TMEM181: variants seen among roughly 807,000 people sequenced by gnomAD.
The protein encoded by TMEM181 is G protein-coupled receptor 178.
A neutral mutation model predicts 71.9 loss-of-function variants in TMEM181; 39 were observed. The ratio of observed to expected loss-of-function variants is 0.54; its 90% CI spans 0.42 to 0.71. The LOEUF is 0.71. Among genes scored for constraint, TMEM181 ranks in the 30% least tolerant of loss-of-function variants. The probability of loss-of-function intolerance (pLI) is 0.00; values close to 1 mark genes in which losing one functional copy is unlikely to be tolerated. For synonymous variants in TMEM181, 245 were observed against 228.8 expected (o/e 1.07, Z -0.64); for missense variants, 595 against 583.0 (o/e 1.02, Z -0.21).
intron 1 of TMEM181, among the ~76,000 whole-genome samples, chr6:158,553,004 T>C (rs1188252336): frequency 1.3e-5 from 2 of 151,854 alleles, no homozygotes; most frequent in Non-Finnish European, 2.9e-5. Flanking sequence ...CTGGGCAACA[T>C]GGTGAGACCC....
intron 1 of TMEM181, among the ~76,000 whole-genome samples, chr6:158,546,794 T>C (rs986617183): frequency 2.0e-5 from 3 of 150,268 alleles, no homozygotes; most frequent in African/African-American, 7.4e-5. Flanking sequence ...ACCCCATCTC[T>C]ACTAAAAATA....
At chr6:158,611,273 C>G (rs1226104965) in intron 10 of TMEM181, 6 of 497,766 alleles carry the variant, frequency 1.2e-5, no homozygotes, top group Non-Finnish European at 2.5e-5. Context: ...TCAGTCTTGG[C>G]TGGTCCTTCA....
At chr6:158,552,682 C>T (rs1349386252) in intron 1 of TMEM181, among the ~76,000 whole-genome samples, 1 of 152,158 alleles carries the variant, frequency 6.6e-6, no homozygotes, top group Admixed American at 6.5e-5. Context: ...TCGTCTCAGC[C>T]TTATCAGGGA....
chr6:158,607,967 C>T (rs192099102), intron 8 of TMEM181, among the ~76,000 whole-genome samples: 5 of 152,360 alleles, frequency 3.3e-5, no homozygotes, highest in East Asian at 1.9e-4. Flanking sequence ...CTGCCGCAGT[C>T]GGAACTCCCA....
Position 158,585,419 on chromosome 6 carries a change from T to G in TMEM181, c.375T>G (p.Cys125Trp). ...ACAACCGGACAAGGACCCTCACATG[T>G]GCAGGGGTGAGTGTGTGGGGTGAGC... ...KVHNRTRTLTCAGKCAEIIVA... is the reference protein window; with the variant it reads ...KVHNRTRTLTWAGKCAEIIVA... The change falls in exon 5 of 17, where the codon TGT becomes TGG. Residue 125 changes from cysteine to tryptophan, a missense_variant. By Grantham distance (215) the Cys-to-Trp change is radical. Transcript: ENST00000684151. The G allele has an allele frequency of 2.5e-6, 4 of 1,601,014 alleles. No homozygotes were observed. Among genetic ancestry groups the G allele is most frequent in the Non-Finnish European group, 3.4e-6 (4 of 1,175,164 alleles).
chr6:158,595,043 TATA>T (rs1371625012), intron 6 of TMEM181, among the ~76,000 whole-genome samples: 1 of 152,216 alleles, frequency 6.6e-6, no homozygotes, highest in Admixed American at 6.5e-5. Flanking sequence ...GGCTATTTGT[TATA>T]ATGCCTTTTC....
intron 10 of TMEM181, among the ~76,000 whole-genome samples, chr6:158,613,675 T>C (rs2128321755): frequency 6.6e-6 from 1 of 152,340 alleles, no homozygotes; most frequent in East Asian, 1.9e-4. Context: ...ACCATTCCAG[T>C]GAAAGCCTTG....
chr6:158,559,897 T>G (rs1782049265), upstream of TMEM181, among the ~76,000 whole-genome samples: 1 of 152,226 alleles, frequency 6.6e-6, no homozygotes, highest in Non-Finnish European at 1.5e-5. Context: ...ATTCATTCAC[T>G]CATTCCTTCT....
intron 6 of TMEM181, among the ~76,000 whole-genome samples, chr6:158,596,207 C>G (rs1407081720): frequency 1.3e-5 from 2 of 152,218 alleles, no homozygotes; most frequent in African/African-American, 4.8e-5. Context: ...GTGTGAGCCA[C>G]TGCGCCTGGC....
At chr6:158,573,629 C>G (rs191034941) in intron 2 of TMEM181, 106 bp downstream of exon 2, 2 of 941,050 alleles carry the variant, frequency 2.1e-6, no homozygotes, top group East Asian at 5.3e-5. Flanking sequence ...GCTAAGGGCC[C>G]CAGCGTGGAG....
chr6:158,605,130 AAGT>A (rs1237554832), intron 6 of TMEM181, 134 bp from the exon 7 acceptor site: 8,381 of 208,852 alleles, frequency 0.04, 54 homozygotes, highest in East Asian at 0.24. Context: ...AAAAAAAAAA[AAGT>A]GTGTGTGTGT....
At chr6:158,577,022 A>T (rs1375500981) in intron 2 of TMEM181, among the ~76,000 whole-genome samples, 2 of 143,118 alleles carry the variant, frequency 1.4e-5, no homozygotes, top group African/African-American at 5.3e-5. Flanking sequence ...AGATTGCGCC[A>T]CTGCACTCCA....
intron 1 of TMEM181, chr6:158,536,892 G>T (rs1781129553): frequency 7.6e-7 from 1 of 1,322,142 alleles, no homozygotes; most frequent in Non-Finnish European, 9.7e-7. Context: ...CAGCGGCGGG[G>T]CGGCCGGAGG....
intron 6 of TMEM181, among the ~76,000 whole-genome samples, chr6:158,594,880 G>T (rs898845958): frequency 1.3e-5 from 2 of 152,106 alleles, no homozygotes; most frequent in Admixed American, 6.5e-5. Flanking sequence ...TAGAGACGAG[G>T]TTTCACCATG....
intron 1 of TMEM181, among the ~76,000 whole-genome samples, chr6:158,547,782 G>A (rs1161131284): frequency 1.3e-5 from 2 of 150,600 alleles, no homozygotes; most frequent in Non-Finnish European, 2.9e-5. Context: ...CTGGTCCCTG[G>A]CCTTGCCTCC....
chr6:158,611,377 C>T (rs1157690295), intron 10 of TMEM181: 2 of 532,408 alleles, frequency 3.8e-6, no homozygotes, highest in Non-Finnish European at 7.6e-6. Flanking sequence ...CATTGATTTC[C>T]CTGGATGCCC....
intron 6 of TMEM181, among the ~76,000 whole-genome samples, chr6:158,598,091 C>T (rs1784479234): frequency 6.6e-6 from 1 of 152,196 alleles, no homozygotes; most frequent in African/African-American, 2.4e-5. Context: ...TGACGCTTAC[C>T]TCCTGTGTTT....
chr6:158,596,017 G>A (rs533281799), intron 6 of TMEM181, among the ~76,000 whole-genome samples: 1 of 152,258 alleles, frequency 6.6e-6, no homozygotes, highest in African/African-American at 2.4e-5. Context: ...CGCCTCCTGG[G>A]TTCATGCCAT....
At position 158,632,477 on chromosome 6, in the gene TMEM181, TG is replaced by T. The variant is rs1255563266; in HGVS notation, c.*590del. On this transcript the variant is annotated 3_prime_UTR_variant, in exon 17 of 17. Transcript: ENST00000684151. Reference sequence around the variant, plus strand: ...GTTATGACTCATCGGGAATGGGAGATGCTGGGGTTCCAACCCTTCACGTCAC... The same window carrying T: ...GTTATGACTCATCGGGAATGGGAGATCTGGGGTTCCAACCCTTCACGTCAC... 2.0e-5 allele frequency: 3 copies of T among 152,806 alleles called. No homozygotes were observed. Among genetic ancestry groups the T allele is most frequent in the Admixed American group, 1.9e-4 (3 of 15,388 alleles). The allele number at this position is 152,806 out of a possible 1,614,324, so 9.5% of individuals were successfully genotyped here. A position where few individuals can be genotyped will look rare whatever the true frequency, so the allele number is the denominator to read the frequency against.
Sources: gnomAD v4.1 joint callset for allele counts (sites outside exome capture counted in the v4.1 genomes callset) on GRCh38, gnomAD v4.1.1 for gene constraint, MANE v1.5 for transcripts, NCBI Gene and HGNC (gene_info 2026-07-23, HGNC 2026-07-21) for gene names.